NSDHL: variants seen among roughly 807,000 people sequenced by gnomAD.
NSDHL encodes sterol-4-alpha-carboxylate 3-dehydrogenase, decarboxylating.
A neutral mutation model predicts 23.0 loss-of-function variants in NSDHL; 1 was observed. That is an observed-to-expected ratio of 0.04 (90% CI 0.02 to 0.21). The LOEUF (loss-of-function observed/expected upper bound fraction) is 0.21, where lower values mean the gene tolerates loss of function less well. NSDHL is among the 10% of genes least tolerant of loss of function. The probability of loss-of-function intolerance (pLI) is 1.00; values close to 1 mark genes in which losing one functional copy is unlikely to be tolerated. For missense variants in NSDHL, 237 were observed against 300.9 expected (o/e 0.79, Z 1.57); for synonymous variants, 128 against 121.1 (o/e 1.06, Z -0.37).
intron 3 of NSDHL, among the ~76,000 whole-genome samples, chrX:152,855,415 G>T (rs1237281526): frequency 9.0e-6 from 1 of 111,694 alleles, no homozygotes; most frequent in Non-Finnish European, 1.9e-5. Flanking sequence ...CCCTCTTATG[G>T]TTTTTAGGAT....
Position 152,846,340 on chromosome X carries a change from A to T in NSDHL, c.16A>T (p.Ser6Cys), listed in dbSNP as rs1556845550. Residue 6 changes from serine (S) to cysteine (C), a missense_variant, in exon 2 of 8, where the codon AGC becomes TGC. Physicochemically the swap from Ser to Cys is moderately radical, Grantham distance 112 (BLOSUM62 -1). Around this residue, in one of 3 missense-constraint regions of NSDHL, gnomAD observed 81 missense variants for 103.3 expected, o/e 0.78. Coordinates refer to ENST00000370274, the MANE Select transcript of NSDHL (RefSeq NM_015922.3). MEPAV[S>C]EPMRDQVART... Reference sequence around the variant, plus strand: ...TTGCTTCGAAATGGAACCAGCAGTTAGCGAGCCAATGAGAGACCAAGTCGC... The same window carrying T: ...TTGCTTCGAAATGGAACCAGCAGTTTGCGAGCCAATGAGAGACCAAGTCGC... The T allele has an allele frequency of 2.5e-6, 3 of 1,207,713 alleles. No homozygotes were observed. Among genetic ancestry groups the T allele is most frequent in the Admixed American group, 4.4e-5 (2 of 45,901 alleles).
intron 1 of NSDHL, chrX:152,831,655 C>T (rs1556843425): frequency 9.0e-6 from 1 of 111,268 alleles, no homozygotes; most frequent in African/African-American, 3.3e-5. Context: ...CATTCCAGGC[C>T]GAGACGCCCT....
intron 1 of NSDHL, among the ~76,000 whole-genome samples, chrX:152,831,947 C>T (rs1408802206): frequency 9.0e-6 from 1 of 111,719 alleles, no homozygotes; most frequent in Non-Finnish European, 1.9e-5. Context: ...CCTTTGCCCT[C>T]TTCTCTCTTC....
chrX:152,868,688 G>A, intron 7 of NSDHL, 96 bp from the exon 8 acceptor site: 1 of 712,257 alleles, frequency 1.4e-6, no homozygotes, highest in South Asian at 2.1e-5. Context: ...CAGCAATTAG[G>A]CAGTGAGAAT....
At chrX:152,834,336 TACC>T (rs1556843787) in intron 1 of NSDHL, among the ~76,000 whole-genome samples, 1 of 112,854 alleles carries the variant, frequency 8.9e-6, no homozygotes, top group Non-Finnish European at 1.9e-5. Flanking sequence ...CTGAGAGGTC[TACC>T]ACAAAATAAA....
intron 7 of NSDHL, among the ~76,000 whole-genome samples, 187 bp from the exon 8 acceptor site, chrX:152,868,597 G>T (rs1356606311): frequency 1.8e-5 from 2 of 112,310 alleles, no homozygotes; most frequent in South Asian, 3.7e-4. Flanking sequence ...TAAAATCCTG[G>T]CCCATAGATG....
intron 1 of NSDHL, among the ~76,000 whole-genome samples, chrX:152,836,470 A>G (rs1341089620): frequency 2.7e-5 from 3 of 111,430 alleles, no homozygotes; most frequent in Non-Finnish European, 5.7e-5. Flanking sequence ...ATCTTGAATT[A>G]ATTTTTGTAT....
chrX:152,832,174 G>A (rs1933024790), intron 1 of NSDHL, among the ~76,000 whole-genome samples: 1 of 111,592 alleles, frequency 9.0e-6, no homozygotes, highest in Non-Finnish European at 1.9e-5. Flanking sequence ...TGTCTCAGTT[G>A]TCCTCTCCGC....
At chrX:152,850,021 A>G (rs1933331053) in intron 2 of NSDHL, among the ~76,000 whole-genome samples, 1 of 112,031 alleles carries the variant, frequency 8.9e-6, no homozygotes, top group African/African-American at 3.2e-5. Flanking sequence ...ATCAAACCCA[A>G]CCAAAGTCAA....
intron 3 of NSDHL, among the ~76,000 whole-genome samples, chrX:152,852,107 G>T (rs1281710191): frequency 9.1e-6 from 1 of 110,318 alleles, no homozygotes; most frequent in African/African-American, 3.3e-5. Flanking sequence ...TTAGTTCCCT[G>T]GTCTGCTTGT....
intron 1 of NSDHL, among the ~76,000 whole-genome samples, chrX:152,845,991 T>G (rs1933266686): frequency 1.8e-5 from 2 of 112,556 alleles, no homozygotes; most frequent in South Asian, 7.3e-4. Flanking sequence ...GCCAAAGACG[T>G]TTTTTATGTT....
At chrX:152,847,468 T>C (rs1556845743) in intron 2 of NSDHL, among the ~76,000 whole-genome samples, 2 of 111,943 alleles carry the variant, frequency 1.8e-5, no homozygotes, top group African/African-American at 6.5e-5. Flanking sequence ...TCTGGGCCTC[T>C]GTGGTTGAAG....
At chrX:152,857,842 A>C (rs1331955252) in intron 3 of NSDHL, among the ~76,000 whole-genome samples, 3 of 111,376 alleles carry the variant, frequency 2.7e-5, no homozygotes, top group African/African-American at 9.8e-5. Flanking sequence ...AACTTACTTG[A>C]CTGGTTTCAA....
At chrX:152,861,921 G>A (rs1310931072) in intron 4 of NSDHL, among the ~76,000 whole-genome samples, 1 of 111,385 alleles carries the variant, frequency 9.0e-6, no homozygotes, top group Non-Finnish European at 1.9e-5. Context: ...AGCGATGGAA[G>A]TTCAGTTTCT....
intron 1 of NSDHL, among the ~76,000 whole-genome samples, chrX:152,836,874 A>G (rs1373069976): frequency 8.9e-6 from 1 of 112,191 alleles, no homozygotes; most frequent in Non-Finnish European, 1.9e-5. Context: ...ATGGCATTGA[A>G]TCTATAAATT....
intron 1 of NSDHL, among the ~76,000 whole-genome samples, chrX:152,839,366 G>A (rs956248761): frequency 2.9e-4 from 33 of 111,975 alleles, no homozygotes; most frequent in African/African-American, 1.0e-3. Flanking sequence ...TATTTTGCCC[G>A]TTAATTGATG....
chrX:152,869,323 T>C lies in NSDHL; in HGVS notation c.*207T>C. ...TTCATGGAACTGGATTTGGATTTCT[T>C]GAAGCAGGCAGCTTCATATTATACC... On this transcript the variant is annotated 3_prime_UTR_variant, in exon 8 of 8. Transcript: ENST00000370274. 8.6e-6 allele frequency: 4 copies of C among 466,587 alleles called. No homozygotes were observed. The highest frequency in any genetic ancestry group is 1.5e-5 in the Non-Finnish European group (4 of 260,919). The allele number at this position is 466,587 out of a possible 1,213,427, so 38.5% of individuals were successfully genotyped here. A position where few individuals can be genotyped will look rare whatever the true frequency, so the allele number is the denominator to read the frequency against.
intron 7 of NSDHL, among the ~76,000 whole-genome samples, chrX:152,868,278 C>T (rs1313289279): frequency 4.5e-5 from 5 of 110,134 alleles, no homozygotes; most frequent in African/African-American, 1.7e-4. Flanking sequence ...GCTGGGACTA[C>T]AGGCACATGC....
chrX:152,861,588 A>C (rs782049305), intron 4 of NSDHL, among the ~76,000 whole-genome samples: 10 of 112,938 alleles, frequency 8.9e-5, no homozygotes, highest in Non-Finnish European at 1.9e-4. Context: ...ACTTGTAGGT[A>C]ATTTTGGAGA....
Sources: allele counts gnomAD v4.1 joint callset (sites outside exome capture counted in the v4.1 genomes callset), GRCh38; gene constraint gnomAD v4.1.1; regional missense constraint gnomAD v4.1.1; transcripts MANE v1.5; gene names NCBI Gene and HGNC (gene_info 2026-07-23, HGNC 2026-07-21).